MCM9: variants seen among roughly 807,000 people sequenced by gnomAD.
MCM9 encodes minichromosome maintenance 9 homologous recombination repair factor, also known as DNA helicase MCM9.
Under a neutral mutation model 72.8 loss-of-function variants are expected in MCM9, and 55 were observed. The observed-to-expected ratio is 0.76, with a 90% confidence interval of 0.61 to 0.95. MCM9 has a LOEUF of 0.95. MCM9 is among the 40% of genes least tolerant of loss of function. The pLI is 0.00. For synonymous variants in MCM9, 480 were observed against 503.4 expected (o/e 0.95, Z 0.62); for missense variants, 1,279 against 1,377.0 (o/e 0.93, Z 1.13).
intron 9 of MCM9, among the ~76,000 whole-genome samples, chr6:118,853,265 C>G (rs548188408): frequency 5.6e-4 from 85 of 152,266 alleles, no homozygotes; most frequent in Non-Finnish European, 1.1e-3. Flanking sequence ...GACCTTTATT[C>G]TCTTCCATTG....
At chr6:118,882,849 C>T (rs959359214) in intron 8 of MCM9, among the ~76,000 whole-genome samples, 6 of 151,886 alleles carry the variant, frequency 4.0e-5, no homozygotes, top group South Asian at 2.1e-4. Context: ...GGATAAAAAA[C>T]GAGGCCTGGA....
At chr6:118,861,316 G>A (rs893865392) in intron 8 of MCM9, among the ~76,000 whole-genome samples, 2 of 152,204 alleles carry the variant, frequency 1.3e-5, no homozygotes, top group East Asian at 1.9e-4. Flanking sequence ...CTGGCTCAGG[G>A]AGCCCCAATG....
At chr6:118,890,084 G>A (rs149649741) in intron 8 of MCM9, among the ~76,000 whole-genome samples, 56 of 152,182 alleles carry the variant, frequency 3.7e-4, no homozygotes, top group African/African-American at 1.3e-3. Context: ...GTAGTACCCC[G>A]TGGGGAGCCT....
At chr6:118,865,847 CA>C (rs1381744433) in intron 8 of MCM9, among the ~76,000 whole-genome samples, 2 of 67,894 alleles carry the variant, frequency 2.9e-5, no homozygotes, top group African/African-American at 7.2e-5. Flanking sequence ...GTCCTAGATC[CA>C]AGAAAAAAAG....
rs115697045 is a variant in MCM9, at chr6:118,907,691, T to C, written c.1150+3959A>G. On this transcript the variant is annotated intron_variant, in intron 8 of 13. Transcript: ENST00000619706. The stretch of plus-strand genomic sequence containing the variant: ...ATTTCCCTGAAATTCCGTAAGTACA[T>C]AGTCAAAACACAATGTGAAGAATTT... 1,537 of 1,121,652 alleles carry C rather than the reference T, an allele frequency of 1.4e-3. 15 individuals carry two copies. The highest frequency in any genetic ancestry group is 0.011 in the South Asian group (765 of 69,974). The allele number at this position is 1,121,652 out of a possible 1,614,324, so 69.5% of individuals were successfully genotyped here.
intron 8 of MCM9, among the ~76,000 whole-genome samples, chr6:118,879,870 C>T (rs866579780): frequency 6.6e-6 from 1 of 151,820 alleles, no homozygotes; most frequent in East Asian, 1.9e-4. Context: ...ATGGTGAAAC[C>T]CTGTCTCTAT....
intron 9 of MCM9, among the ~76,000 whole-genome samples, chr6:118,842,596 T>C (rs1775450911): frequency 6.6e-6 from 1 of 152,220 alleles, no homozygotes; most frequent in East Asian, 1.9e-4. Context: ...CATAGCTCAC[T>C]GCAGCCTCAA....
intron 9 of MCM9, among the ~76,000 whole-genome samples, chr6:118,854,702 T>G (rs977122333): frequency 6.6e-6 from 1 of 152,218 alleles, no homozygotes; most frequent in Non-Finnish European, 1.5e-5. Context: ...AAACTTCTAG[T>G]TTGCTGAGAA....
intron 13 of MCM9, among the ~76,000 whole-genome samples, chr6:118,820,950 CT>C (rs908882496): frequency 1.7e-3 from 256 of 150,992 alleles, no homozygotes; most frequent in African/African-American, 5.8e-3. Flanking sequence ...GCAACCCCTG[CT>C]TTTTTTTTGC....
At chr6:118,932,190 AATG>A (rs1326019939) in intron 2 of MCM9, among the ~76,000 whole-genome samples, 1 of 152,222 alleles carries the variant, frequency 6.6e-6, no homozygotes, top group Non-Finnish European at 1.5e-5. Context: ...TATTCAGTAC[AATG>A]ATATGATGTA....
At position 118,814,845 on chromosome 6, in the gene MCM9, T is replaced by C. The variant is rs776405917; in HGVS notation, c.3411A>G (p.Glu1137=). The change falls in exon 14 of 14, where the codon GAA becomes GAG. Residue 1137 remains glutamate, a synonymous_variant. Transcript: ENST00000619706. The stretch of plus-strand genomic sequence containing the variant: ...CCAACTATGACTTTTTTCTCATCTC[T>C]TCATCCCAGTCACAATCAAATGCTT... ...GDEAFDCDWD[E]EMRKKS 1 of 1,514,640 alleles carries C rather than the reference T, an allele frequency of 6.6e-7. No homozygotes were observed. The highest frequency in any genetic ancestry group is 1.3e-5 in the South Asian group (1 of 78,668). 93.8% of individuals were successfully genotyped at this position (1,514,640 alleles called of 1,614,324 possible).
In MCM9 at chr6:118,826,283, G is replaced by A. The variant is rs777899255; in HGVS notation, c.1825C>T (p.Leu609=). The A allele has an allele frequency of 2.6e-6, 4 of 1,549,774 alleles. No homozygotes were observed. In the South Asian group the frequency reaches 4.8e-5, roughly 18 times the overall value. ...VMESSMQGGA[L]LGGVNALHTS... ...TGGAGGGCATTCACACCTCCTAGCA[G>A]TGCACCTCCCTGAAGGGGTGAGAAA... Residue 609 remains leucine, a synonymous_variant, in exon 13 of 14, where the codon CTG becomes TTG. Coordinates refer to ENST00000619706, the MANE Select transcript of MCM9 (RefSeq NM_017696.3).
intron 8 of MCM9, among the ~76,000 whole-genome samples, chr6:118,857,288 T>G (rs530210615): frequency 1.3e-5 from 2 of 152,140 alleles, no homozygotes; most frequent in Non-Finnish European, 2.9e-5. Flanking sequence ...AGTTACAATA[T>G]GAGGGAAGGG....
At chr6:118,924,252 T>C in intron 3 of MCM9, 125 bp from the exon 4 acceptor site, 2 of 880,792 alleles carry the variant, frequency 2.3e-6, no homozygotes, top group Non-Finnish European at 3.5e-6. Flanking sequence ...GATTGTGTTT[T>C]ACTAAGAAAA....
chr6:118,926,824 T>C (rs922728082), intron 3 of MCM9, among the ~76,000 whole-genome samples: 1 of 152,204 alleles, frequency 6.6e-6, no homozygotes. Flanking sequence ...CACATGGTTA[T>C]TAAAATAATT....
chr6:118,844,307 G>A (rs1775707822), intron 9 of MCM9, among the ~76,000 whole-genome samples: 1 of 151,718 alleles, frequency 6.6e-6, no homozygotes. Context: ...GAACTACTGT[G>A]GAGGCTCATC....
intron 7 of MCM9, chr6:118,913,088 T>C: frequency 1.8e-6 from 1 of 550,378 alleles, no homozygotes. Flanking sequence ...TAGAAAAATG[T>C]AACTTCTTTC....
At chr6:118,913,515 ATATACTC>A in intron 6 of MCM9, 95 bp from the exon 7 acceptor site, 1 of 1,475,558 alleles carries the variant, frequency 6.8e-7, no homozygotes, top group East Asian at 2.3e-5. Context: ...CCTCATTTAA[ATATACTC>A]TACTATGTGA....
chr6:118,908,858 T>C (rs1243967532), intron 8 of MCM9: 1 of 152,606 alleles, frequency 6.6e-6, no homozygotes, highest in Non-Finnish European at 1.5e-5. Context: ...TCTAAAACTT[T>C]TATACTGCAC....
Sources: allele counts gnomAD v4.1 joint callset (sites outside exome capture counted in the v4.1 genomes callset), GRCh38; gene constraint gnomAD v4.1.1; transcripts MANE v1.5; gene names NCBI Gene and HGNC (gene_info 2026-07-23, HGNC 2026-07-21).